The following WDR49 variants were observed in gnomAD, a reference collection of about 807,000 sequenced individuals.
WDR49 encodes cilia- and flagella-associated protein 337.
A neutral mutation model predicts 119.5 loss-of-function variants in WDR49; 107 were observed. The ratio of observed to expected loss-of-function variants is 0.90; its 90% CI spans 0.77 to 1.05. The LOEUF (loss-of-function observed/expected upper bound fraction) is 1.05, where lower values mean the gene tolerates loss of function less well. WDR49 is among the 50% of genes least tolerant of loss of function. The pLI is 0.00. For synonymous variants in WDR49, 425 were observed against 418.8 expected (o/e 1.01, Z -0.18); for missense variants, 1,240 against 1,220.5 (o/e 1.02, Z -0.24).
intron 16 of WDR49, among the ~76,000 whole-genome samples, chr3:167,509,666 G>A (rs1456537293): frequency 6.6e-6 from 1 of 151,136 alleles, no homozygotes; most frequent in Non-Finnish European, 1.5e-5. Flanking sequence ...AGGCCTTTAT[G>A]CCTTTTGACT....
At chr3:167,627,888 C>A (rs1225326172) in intron 2 of WDR49, among the ~76,000 whole-genome samples, 5 of 152,030 alleles carry the variant, frequency 3.3e-5, no homozygotes, top group Admixed American at 2.6e-4. Context: ...TTTGTGGCAA[C>A]CTTGCAAGTC....
chr3:167,558,553 C>T (rs1207637494), intron 9 of WDR49, among the ~76,000 whole-genome samples: 1 of 152,194 alleles, frequency 6.6e-6, no homozygotes, highest in Non-Finnish European at 1.5e-5. Flanking sequence ...ACTAAATTCA[C>T]ATTAACTTCT....
chr3:167,528,785 A>T (rs1752732735), intron 14 of WDR49, among the ~76,000 whole-genome samples: 1 of 152,066 alleles, frequency 6.6e-6, no homozygotes, highest in South Asian at 2.1e-4. Context: ...CATTCAAATA[A>T]TGCTGCAGTG....
At chr3:167,627,851 G>A (rs571782909) in intron 2 of WDR49, among the ~76,000 whole-genome samples, 14 of 152,132 alleles carry the variant, frequency 9.2e-5, no homozygotes, top group African/African-American at 2.9e-4. Context: ...GTACTTTGCC[G>A]ATATTGTGAT....
At chr3:167,607,505 C>T (rs568866806) in intron 5 of WDR49, among the ~76,000 whole-genome samples, 8 of 152,278 alleles carry the variant, frequency 5.3e-5, no homozygotes, top group African/African-American at 1.9e-4. Context: ...CTATAATAAT[C>T]TTTAGTGGGT....
intron 10 of WDR49, among the ~76,000 whole-genome samples, chr3:167,547,503 T>A (rs1407780993): frequency 6.6e-6 from 1 of 151,708 alleles, no homozygotes; most frequent in Non-Finnish European, 1.5e-5. Context: ...CTCATTAAGA[T>A]CATGACCAAG....
intron 2 of WDR49, among the ~76,000 whole-genome samples, chr3:167,646,164 C>A (rs914993285): frequency 2.0e-5 from 3 of 151,998 alleles, no homozygotes; most frequent in Non-Finnish European, 2.9e-5. Flanking sequence ...CTCATTGGAA[C>A]CATAAATCCA....
chr3:167,568,771 C>T (rs1309867441), intron 8 of WDR49, among the ~76,000 whole-genome samples: 1 of 152,094 alleles, frequency 6.6e-6, no homozygotes. Flanking sequence ...AATATGCAAG[C>T]AGCTCAAGAG....
At chr3:167,656,977 A>T (rs183067048), upstream of WDR49, among the ~76,000 whole-genome samples, 14 of 152,312 alleles carry the variant, frequency 9.2e-5, no homozygotes, top group African/African-American at 3.4e-4. Context: ...AAGCTGATAC[A>T]TCCATTGGCC....
intron 7 of WDR49, among the ~76,000 whole-genome samples, chr3:167,589,692 T>C (rs1201319559): frequency 6.6e-6 from 1 of 152,106 alleles, no homozygotes; most frequent in Non-Finnish European, 1.5e-5. Flanking sequence ...ATTTTATTTG[T>C]AGCTATTCTA....
rs535132359 is a variant in WDR49, at chr3:167,545,509, T to TATATATATATATA, written c.1824-8510_1824-8509insTATATATATATAT. ...CCATATATATATTATATATTATATA[T>TATATATATATATA]TATATATATATATATGCACCCTGGA... On this transcript the variant is annotated intron_variant, in intron 10 of 18. Coordinates refer to ENST00000682715, the MANE Select transcript of WDR49 (RefSeq NM_001366157.1). Among the ~76,000 whole-genome samples, 39 of 108,278 alleles carry TATATATATATATA rather than the reference T, an allele frequency of 3.6e-4. 1 individual carries two copies. The highest frequency in any genetic ancestry group is 4.6e-4 in the East Asian group (2 of 4,384). The allele number at this position is 108,278 out of a possible 152,430, so 71.0% of individuals were successfully genotyped here.
At chr3:167,600,924 G>A (rs1715740051) in intron 7 of WDR49, among the ~76,000 whole-genome samples, 1 of 152,058 alleles carries the variant, frequency 6.6e-6, no homozygotes. Flanking sequence ...GTAGATGGGG[G>A]GAGCTTTGTA....
In WDR49 at chr3:167,653,350, C is replaced by T. The variant is rs549040067; in HGVS notation, c.76G>A (p.Gly26Ser). Residue 26 changes from glycine (G) to serine (S), a missense_variant, in exon 2 of 19, where the codon GGT (glycine) becomes AGT (serine). Coordinates refer to ENST00000682715, the MANE Select transcript of WDR49 (RefSeq NM_001366157.1). ...CCATAGTCTTCAAATGCAGTTACAC[C>T]TTCTGTTCTCTCAGGACTCTTTGGC... ...LGPKSPERTE[G>S]VTAFEDYGTG... 5 of 1,536,096 alleles carry T rather than the reference C, an allele frequency of 3.3e-6. No individual in the cohort carries two copies. In the African/African-American group the frequency reaches 4.1e-5, roughly 13 times the overall value.
intron 18 of WDR49, among the ~76,000 whole-genome samples, chr3:167,487,257 C>T (rs959272990): frequency 5.3e-5 from 8 of 151,836 alleles, no homozygotes; most frequent in African/African-American, 1.7e-4. Context: ...TCAATAAGGC[C>T]TACAAAAACA....
rs770651698 is a variant in WDR49 at position 167,547,246 on chromosome 3, AT to A, written c.1823+7403del. 5.5e-4 allele frequency among the ~76,000 whole-genome samples: 84 copies of A among 152,006 alleles called. 1 individual carries two copies. The highest frequency in any genetic ancestry group is 3.4e-3 in the Middle Eastern group (1 of 294). On this transcript the variant is annotated intron_variant, in intron 10 of 18. Coordinates refer to ENST00000682715, the MANE Select transcript of WDR49 (RefSeq NM_001366157.1). ...AAGTTTTATTTTTGAGTAACTTCAA[AT>A]CTTTAGTCTCATTTCACTTAAAAAT...
intron 10 of WDR49, among the ~76,000 whole-genome samples, chr3:167,550,401 G>C (rs1044665253): frequency 2.0e-5 from 3 of 151,892 alleles, no homozygotes; most frequent in African/African-American, 7.3e-5. Flanking sequence ...CCTTGAAGAG[G>C]TCCTTCACAT....
chr3:167,575,375 AG>A (rs1264592949), intron 8 of WDR49: 1 of 818,440 alleles, frequency 1.2e-6, no homozygotes, highest in Non-Finnish European at 1.5e-6. Context: ...AAGGCTGCGG[AG>A]CGTCATTAAA....
chr3:167,574,037 A>G lies in WDR49; in HGVS notation c.1509+1881T>C, dbSNP rs570542238. ...CCTCAGGCAGAATTGATCACTCTCC[A>G]TAAAAAGCACTTCGGTTTTTACCTC... is the stretch of plus-strand genomic sequence containing the variant. On this transcript the variant is annotated intron_variant, in intron 8 of 18. Transcript: ENST00000682715. Among the ~76,000 whole-genome samples, 7 of 152,338 alleles carry G rather than the reference A, an allele frequency of 4.6e-5. No individual in the cohort carries two copies. The East Asian group carries it at 1.2e-3, about 25-fold the overall frequency.
chr3:167,581,236 C>T (rs1451539150), intron 7 of WDR49, among the ~76,000 whole-genome samples: 4 of 151,950 alleles, frequency 2.6e-5, no homozygotes, highest in African/African-American at 7.3e-5. Flanking sequence ...TTCTTTTAAC[C>T]GTTAACCTTA....
Sources: allele counts gnomAD v4.1 joint callset (sites outside exome capture counted in the v4.1 genomes callset), GRCh38; gene constraint gnomAD v4.1.1; transcripts MANE v1.5; gene names NCBI Gene and HGNC (gene_info 2026-07-23, HGNC 2026-07-21).